KRTAP5-2: variants seen among roughly 807,000 people sequenced by gnomAD.
The protein encoded by KRTAP5-2 is keratin associated protein 5-2.
For missense variants in KRTAP5-2, 188 were observed against 212.8 expected (o/e 0.88, Z 0.73); for synonymous variants, 79 against 82.7 (o/e 0.96, Z 0.24).
Position 1,598,035 on chromosome 11 carries a change from G to A in KRTAP5-2, c.216C>T (p.Ala72=), listed in dbSNP as rs772668808. ...AGGAGCCACAGCTGGTGCAGGAACA[G>A]GCTGGCACCCAGGAGCACACGGGCT... ...CCKPVCSWVP[A]CSCTSCGSCG... The change falls in exon 1 of 1, where the codon GCC becomes GCT. Residue 72 remains alanine (A), a synonymous_variant. Transcript: ENST00000412090. 7 of 1,610,796 alleles carry A rather than the reference G, an allele frequency of 4.3e-6. No individual in the cohort carries two copies. Among genetic ancestry groups the A allele is most frequent in the African/African-American group, 1.4e-5 (1 of 74,008 alleles).
At position 1,597,985 on chromosome 11, in the gene KRTAP5-2, C is replaced by A. The variant is rs1175223270; in HGVS notation, c.266G>T (p.Gly89Val). Residue 89 changes from glycine to valine, a missense_variant, in exon 1 of 1, where the codon GGC (glycine) becomes GTC (valine). Coordinates refer to ENST00000412090, the MANE Select transcript of KRTAP5-2 (RefSeq NM_001004325.2). ...GSCGGSKGGC[G>V]SCGGSKGGCG... ...GCCCCCCTTGGAGCCCCCACAGGAG[C>A]CACAGCCCCCCTTGGAGCCCCCACA... 1 of 1,470,044 alleles carries A rather than the reference C, an allele frequency of 6.8e-7. No individual in the cohort carries two copies. The highest frequency in any genetic ancestry group is 2.4e-5 in the East Asian group (1 of 41,594). The allele number at this position is 1,470,044 out of a possible 1,614,324, so 91.1% of individuals were successfully genotyped here.
At position 1,597,827 on chromosome 11, in the gene KRTAP5-2, A is replaced by T; in HGVS notation, c.424T>A (p.Cys142Ser). Reference protein sequence around the residue: ...CCQSSCCKPCCCQSSCCVPVC... With the variant: ...CCQSSCCKPCSCQSSCCVPVC... ...GGGACACAGCAGCTGGACTGGCAGCAGCAGGGCTTGCAGCAGCTGGACTGG... is the reference window on the plus strand; with the variant it reads ...GGGACACAGCAGCTGGACTGGCAGCTGCAGGGCTTGCAGCAGCTGGACTGG... The change falls in exon 1 of 1, where the codon TGC becomes AGC. Residue 142 changes from cysteine (C) to serine (S), a missense_variant. Coordinates refer to ENST00000412090, the MANE Select transcript of KRTAP5-2 (RefSeq NM_001004325.2). The T allele has an allele frequency of 6.2e-7, 1 of 1,613,772 alleles. No homozygotes were observed. The highest frequency in any genetic ancestry group is 8.5e-7 in the Non-Finnish European group (1 of 1,179,912).
chr11:1,597,885 A>G lies in KRTAP5-2; in HGVS notation c.366T>C (p.Cys122=). 6.2e-7 allele frequency: 1 copy of G among 1,613,564 alleles called. No homozygotes were observed. Among genetic ancestry groups the G allele is most frequent in the South Asian group, 1.1e-5 (1 of 91,022 alleles). The change falls in exon 1 of 1, where the codon TGT becomes TGC. Residue 122 remains cysteine (C), a synonymous_variant. Transcript: ENST00000412090. ...ATGATCCACAGCCTGAGGAGCAGCA[A>G]CAGGGCTTACAACAGCTGGACTGGG... ...GCSQSSCCKP[C]CCSSGCGSSC... is the part of the protein sequence containing the mutation.
chr11:1,598,077 C>T lies in KRTAP5-2; in HGVS notation c.174G>A (p.Val58=), dbSNP rs1175827646. The part of the protein sequence containing the change: ...SCGGCGSRCY[V]PVCCCKPVCS... ...ACACGGGCTTGCAGCAGCAGACAGG[C>T]ACATAACATCTGGAGCCACATCCCC... Residue 58 remains valine, a synonymous_variant, in exon 1 of 1, where the codon GTG becomes GTA. Transcript: ENST00000412090. 2 of 1,612,206 alleles carry T rather than the reference C, an allele frequency of 1.2e-6. No homozygotes were observed. The highest frequency in any genetic ancestry group is 1.7e-6 in the Non-Finnish European group (2 of 1,179,902).
Position 1,598,109 on chromosome 11 carries a change from T to C in KRTAP5-2, c.142A>G (p.Ser48Gly), listed in dbSNP as rs1162629029. 19 of 1,598,842 alleles carry C rather than the reference T, an allele frequency of 1.2e-5. 1 individual carries two copies. In the South Asian group the frequency reaches 1.5e-4, roughly 13 times the overall value. Residue 48 changes from serine to glycine, a missense_variant, in exon 1 of 1, where the codon AGC becomes GGC. Transcript: ENST00000412090. The stretch of plus-strand genomic sequence containing the variant: ...CATCTGGAGCCACATCCCCCACAGC[T>C]GGAGCTGCAGCCCCCACAGCCAGAG... ...CGSGCGGCSS[S>G]CGGCGSRCYV...
rs1421948690 is a variant in KRTAP5-2 at position 1,597,376 on chromosome 11, C to T, written c.*341G>A. ...CTGGTTCTTAGTGATCACTCAGAAA[C>T]GTCGGCCTGGCCTTGTGGGGTCAGA... On this transcript the variant is annotated 3_prime_UTR_variant, in exon 1 of 1. Coordinates refer to ENST00000412090, the MANE Select transcript of KRTAP5-2 (RefSeq NM_001004325.2). 2.9e-5 allele frequency: 11 copies of T among 378,286 alleles called. No homozygotes were observed. The highest frequency in any genetic ancestry group is 2.8e-4 in the East Asian group (5 of 18,064). The allele number at this position is 378,286 out of a possible 1,614,324, so 23.4% of individuals were successfully genotyped here.
In KRTAP5-2 at chr11:1,597,598, A is replaced by G; in HGVS notation, c.*119T>C. On this transcript the variant is annotated 3_prime_UTR_variant, in exon 1 of 1. Coordinates refer to ENST00000412090, the MANE Select transcript of KRTAP5-2 (RefSeq NM_001004325.2). ...GCCATGGAAGGAGGTGTGTGCATGG[A>G]TGGTGAGCTAGAGCAGGTGCAGGTG... 1 of 1,486,446 alleles carries G rather than the reference A, an allele frequency of 6.7e-7. No homozygotes were observed. Among genetic ancestry groups the G allele is most frequent in the Non-Finnish European group, 9.2e-7 (1 of 1,082,062 alleles). The allele number at this position is 1,486,446 out of a possible 1,614,324, so 92.1% of individuals were successfully genotyped here.
Position 1,597,526 on chromosome 11 carries a change from C to A in KRTAP5-2, c.*191G>T, listed in dbSNP as rs1243924240. ...ACACCTCCCGCATCAGGGAAACACA[C>A]GTTTCTGGAGTGAGGAGGCTGAAGG... is the stretch of plus-strand genomic sequence containing the variant. On this transcript the variant is annotated 3_prime_UTR_variant, in exon 1 of 1. Coordinates refer to ENST00000412090, the MANE Select transcript of KRTAP5-2 (RefSeq NM_001004325.2). 1.1e-6 allele frequency: 1 copy of A among 938,354 alleles called. No homozygotes were observed. The highest frequency in any genetic ancestry group is 1.6e-6 in the Non-Finnish European group (1 of 628,244). 58.1% of individuals were successfully genotyped at this position (938,354 alleles called of 1,614,324 possible).
At position 1,597,860 on chromosome 11, in the gene KRTAP5-2, A is replaced by G. The variant is rs761241217; in HGVS notation, c.391T>C (p.Ser131Pro). The part of the protein sequence containing the change: ...PCCCSSGCGS[S>P]CCQSSCCKPC... Reference sequence around the variant, plus strand: ...TTGCAGCAGCTGGACTGGCAGCAGGATGATCCACAGCCTGAGGAGCAGCAA... The same window carrying G: ...TTGCAGCAGCTGGACTGGCAGCAGGGTGATCCACAGCCTGAGGAGCAGCAA... Residue 131 changes from serine (S) to proline (P), a missense_variant, in exon 1 of 1, where the codon TCC becomes CCC. Physicochemically the swap from Ser to Pro is moderately conservative, Grantham distance 74. Transcript: ENST00000412090. 6.2e-7 allele frequency: 1 copy of G among 1,613,824 alleles called. No individual in the cohort carries two copies. The highest frequency in any genetic ancestry group is 8.5e-7 in the Non-Finnish European group (1 of 1,179,948).
rs1336893997 is a variant in KRTAP5-2, at chr11:1,598,236, G to A, written c.15C>T (p.Gly5=). The change falls in exon 1 of 1, where the codon GGC becomes GGT. Residue 5 remains glycine (G), a synonymous_variant. Transcript: ENST00000412090. The part of the protein sequence containing the change: MGCC[G]CSRGCGSGCG... ...AGCCGGAGCCACAGCCTCTGGAGCA[G>A]CCACAGCAGCCCATGGTTCTGGTGG... 2 of 1,613,600 alleles carry A rather than the reference G, an allele frequency of 1.2e-6. No individual in the cohort carries two copies. The highest frequency in any genetic ancestry group is 1.1e-5 in the South Asian group (1 of 91,058).
At position 1,598,275 on chromosome 11, in the gene KRTAP5-2, C is replaced by G. The variant is rs1849322995; in HGVS notation, c.-25G>C. ...TGGTTCTGGTGGATTGAGGGTGGAG[C>G]AGGTAGAGGAGCAGGTGAGAGGGAG... On this transcript the variant is annotated 5_prime_UTR_variant, in exon 1 of 1. Coordinates refer to ENST00000412090, the MANE Select transcript of KRTAP5-2 (RefSeq NM_001004325.2). 6.2e-7 allele frequency: 1 copy of G among 1,613,866 alleles called. No individual in the cohort carries two copies.
rs1344493230 is a variant in KRTAP5-2 at position 1,597,751 on chromosome 11, C to G, written c.500G>C (p.Cys167Ser). The change falls in exon 1 of 1, where the codon TGT becomes TCT. Residue 167 changes from cysteine to serine, a missense_variant. By Grantham distance (112) the Cys-to-Ser change is moderately radical. Transcript: ENST00000412090. ...ACACTGGCAGCACACAGGGACACAA[C>G]AGTTGGACTGGCAGCAACAGGGCTT... ...CCKPCCCQSN[C>S]CVPVCCQCKI 2 of 1,614,048 alleles carry G rather than the reference C, an allele frequency of 1.2e-6. No homozygotes were observed. The highest frequency in any genetic ancestry group is 1.7e-6 in the Non-Finnish European group (2 of 1,179,998).
Position 1,597,786 on chromosome 11 carries a change from G to T in KRTAP5-2, c.465C>A (p.Ser155=), listed in dbSNP as rs1849305864. 1 of 1,613,786 alleles carries T rather than the reference G, an allele frequency of 6.2e-7. No homozygotes were observed. Among genetic ancestry groups the T allele is most frequent in the Admixed American group, 1.7e-5 (1 of 59,980 alleles). Residue 155 remains serine (S), a synonymous_variant, in exon 1 of 1, where the codon TCC becomes TCA. Transcript: ENST00000412090. The part of the protein sequence containing the change: ...SSCCVPVCCQ[S]SCCKPCCCQS... Reference sequence around the variant, plus strand: ...GGCAGCAACAGGGCTTGCAGCAGCTGGACTGGCAGCACACGGGGACACAGC... The same window carrying T: ...GGCAGCAACAGGGCTTGCAGCAGCTTGACTGGCAGCACACGGGGACACAGC...
rs1204012959 is a variant in KRTAP5-2, at chr11:1,597,631, G to A, written c.*86C>T. ...CTAGAGCAGGTGCAGGTGCCTCAGG[G>A]AGGATGTGTGGGACGAACTGACTCA... On this transcript the variant is annotated 3_prime_UTR_variant, in exon 1 of 1. Transcript: ENST00000412090. 2 of 1,585,484 alleles carry A rather than the reference G, an allele frequency of 1.3e-6. No individual in the cohort carries two copies. The highest frequency in any genetic ancestry group is 1.2e-5 in the South Asian group (1 of 85,458).
Position 1,598,103 on chromosome 11 carries a change from C to T in KRTAP5-2, c.148G>A (p.Gly50Arg), listed in dbSNP as rs1374774579. 2 of 1,611,686 alleles carry T rather than the reference C, an allele frequency of 1.2e-6. No homozygotes were observed. The highest frequency in any genetic ancestry group is 2.2e-5 in the East Asian group (1 of 44,820). The change falls in exon 1 of 1, where the codon GGG (glycine) becomes AGG (arginine). Residue 50 changes from glycine to arginine, a missense_variant. By Grantham distance (125) the Gly-to-Arg change is moderately radical. Transcript: ENST00000412090. ...ACATAACATCTGGAGCCACATCCCC[C>T]ACAGCTGGAGCTGCAGCCCCCACAG... ...SGCGGCSSSC[G>R]GCGSRCYVPV...
rs1318001872 is a variant in KRTAP5-2, at chr11:1,598,052, A to T, written c.199T>A (p.Cys67Ser). The T allele has an allele frequency of 6.2e-7, 1 of 1,612,052 alleles. No individual in the cohort carries two copies. Among genetic ancestry groups the T allele is most frequent in the Non-Finnish European group, 8.5e-7 (1 of 1,179,746 alleles). ...YVPVCCCKPVCSWVPACSCTS... is the reference protein window; with the variant it reads ...YVPVCCCKPVSSWVPACSCTS... ...CAGGAACAGGCTGGCACCCAGGAGC[A>T]CACGGGCTTGCAGCAGCAGACAGGC... Residue 67 changes from cysteine to serine, a missense_variant, in exon 1 of 1, where the codon TGC (cysteine) becomes AGC (serine). Cys to Ser is a moderately radical substitution (Grantham distance 112). Transcript: ENST00000412090.
Position 1,598,147 on chromosome 11 carries a change from C to A in KRTAP5-2, c.104G>T (p.Arg35Leu). ...CCCACAGCCAGAGCCACAGCCCCCA[C>A]GGCCGGAGCCACAGCCCCCACAGCC... ...GSGCGGCGSG[R>L]GGCGSGCGGC... Residue 35 changes from arginine to leucine, a missense_variant, in exon 1 of 1, where the codon CGT becomes CTT. Transcript: ENST00000412090. 6.3e-7 allele frequency: 1 copy of A among 1,585,960 alleles called. No homozygotes were observed. Among genetic ancestry groups the A allele is most frequent in the South Asian group, 1.1e-5 (1 of 89,566 alleles).
rs1428271993 is a variant in KRTAP5-2 at position 1,598,243 on chromosome 11, C to A, written c.8G>T (p.Cys3Phe). 3.1e-6 allele frequency: 5 copies of A among 1,613,680 alleles called. No individual in the cohort carries two copies. The highest frequency in any genetic ancestry group is 4.2e-6 in the Non-Finnish European group (5 of 1,179,980). The change falls in exon 1 of 1, where the codon TGC (cysteine) becomes TTC (phenylalanine). Residue 3 changes from cysteine to phenylalanine, a missense_variant. Transcript: ENST00000412090. ...GCCACAGCCTCTGGAGCAGCCACAG[C>A]AGCCCATGGTTCTGGTGGATTGAGG... MG[C>F]CGCSRGCGSG...
rs149615221 is a variant in KRTAP5-2, at chr11:1,598,152, G to A, written c.99C>T (p.Ser33=). The part of the protein sequence containing the change: ...GCGSGCGGCG[S]GRGGCGSGCG... ...AGCCAGAGCCACAGCCCCCACGGCC[G>A]GAGCCACAGCCCCCACAGCCAGAGC... The change falls in exon 1 of 1, where the codon TCC becomes TCT. Residue 33 remains serine, a synonymous_variant. Transcript: ENST00000412090. 3,152 of 1,566,002 alleles carry A rather than the reference G, an allele frequency of 2.0e-3. 52 individuals carry two copies. The African/African-American group carries it at 0.041, about 20-fold the overall frequency.
Sources: gnomAD v4.1 joint callset for allele counts on GRCh38, gnomAD v4.1.1 for gene constraint, MANE v1.5 for transcripts, NCBI Gene and HGNC (gene_info 2026-07-23, HGNC 2026-07-21) for gene names.